Variants in HAPLN1 observed in about 807,000 individuals in gnomAD.
HAPLN1 encodes hyaluronan and proteoglycan link protein 1.
A neutral mutation model predicts 36.5 loss-of-function variants in HAPLN1; 13 were observed. The observed-to-expected ratio is 0.36, with a 90% CI of 0.23 to 0.57. The LOEUF (loss-of-function observed/expected upper bound fraction) is 0.57, where lower values mean the gene tolerates loss of function less well. Among genes scored for constraint, HAPLN1 ranks in the 20% least tolerant of loss-of-function variants. HAPLN1 has a pLI of 0.83. For synonymous variants in HAPLN1, 202 were observed against 169.8 expected (o/e 1.19, Z -1.48); for missense variants, 407 against 439.7 (o/e 0.93, Z 0.66).
chr5:83,697,562 G>A (rs377687904), intron 1 of HAPLN1, among the ~76,000 whole-genome samples: 20 of 152,176 alleles, frequency 1.3e-4, no homozygotes, highest in African/African-American at 4.3e-4. Flanking sequence ...TCTACCAAGC[G>A]ATGGAATATG....
At chr5:83,690,400 T>C (rs1226759019) in intron 1 of HAPLN1, among the ~76,000 whole-genome samples, 5 of 152,048 alleles carry the variant, frequency 3.3e-5, no homozygotes, top group Admixed American at 6.6e-5. Flanking sequence ...TTGTTGAAAG[T>C]GTAAGATGTT....
chr5:83,665,270 T>G (rs1750521133), intron 2 of HAPLN1, among the ~76,000 whole-genome samples: 1 of 152,218 alleles, frequency 6.6e-6, no homozygotes, highest in Non-Finnish European at 1.5e-5. Context: ...GAAATCATTC[T>G]GAACAAATAT....
intron 3 of HAPLN1, among the ~76,000 whole-genome samples, chr5:83,650,675 C>T (rs368445808): frequency 6.7e-6 from 1 of 148,402 alleles, no homozygotes; most frequent in Admixed American, 6.7e-5. Context: ...TGCTCTGTCG[C>T]CCAGGCTGGA....
chr5:83,715,037 G>C (rs1018399213), intron 1 of HAPLN1, among the ~76,000 whole-genome samples: 3 of 152,214 alleles, frequency 2.0e-5, no homozygotes, highest in African/African-American at 7.2e-5. Context: ...CACATTTCTG[G>C]AAGGAAACAG....
At chr5:83,676,736 G>A (rs1258700255) in intron 1 of HAPLN1, among the ~76,000 whole-genome samples, 1 of 152,160 alleles carries the variant, frequency 6.6e-6, no homozygotes, top group Non-Finnish European at 1.5e-5. Flanking sequence ...GACAATCGGG[G>A]AGACTTTTCC....
rs923155446 is a variant in HAPLN1, at chr5:83,640,952, G to T, written c.*544C>A. The T allele has an allele frequency of 6.7e-6, 1 of 149,858 alleles. No homozygotes were observed. Among genetic ancestry groups the T allele is most frequent in the African/African-American group, 2.5e-5 (1 of 40,648 alleles). The allele number at this position is 149,858 out of a possible 1,614,324, so 9.3% of individuals were successfully genotyped here. ...GGTCAGAAAGGCAGGATTTTAAAGA[G>T]TAAAATATTCTGCCTATTAGAGACT... On this transcript the variant is annotated 3_prime_UTR_variant, in exon 5 of 5. Coordinates refer to ENST00000274341, the MANE Select transcript of HAPLN1 (RefSeq NM_001884.4).
chr5:83,657,163 T>G (rs1750242933), intron 2 of HAPLN1, among the ~76,000 whole-genome samples: 1 of 152,064 alleles, frequency 6.6e-6, no homozygotes, highest in South Asian at 2.1e-4. Flanking sequence ...TGGCACCAAC[T>G]TGGCTCACTG....
chr5:83,710,730 G>A (rs1485835160), intron 1 of HAPLN1, among the ~76,000 whole-genome samples: 1 of 152,068 alleles, frequency 6.6e-6, no homozygotes, highest in Non-Finnish European at 1.5e-5. Flanking sequence ...GCGGGTGGAT[G>A]ACCCAAGGTC....
chr5:83,711,161 A>G (rs1350529476), intron 1 of HAPLN1, among the ~76,000 whole-genome samples: 5 of 152,208 alleles, frequency 3.3e-5, no homozygotes, highest in Admixed American at 3.3e-4. Context: ...CATTGGGGGT[A>G]CAGACCAGAG....
chr5:83,655,657 A>C (rs1180936074), intron 2 of HAPLN1, among the ~76,000 whole-genome samples: 3 of 151,976 alleles, frequency 2.0e-5, no homozygotes, highest in Non-Finnish European at 4.4e-5. Flanking sequence ...AACCTCCAAC[A>C]TGGCCTTGAG....
intron 2 of HAPLN1, among the ~76,000 whole-genome samples, chr5:83,657,869 A>G (rs1423919111): frequency 2.0e-5 from 3 of 152,032 alleles, no homozygotes; most frequent in Non-Finnish European, 4.4e-5. Flanking sequence ...ATTAAAAATA[A>G]TCTCTCCAAG....
intron 1 of HAPLN1, among the ~76,000 whole-genome samples, chr5:83,677,349 C>T (rs562282039): frequency 1.3e-5 from 2 of 152,290 alleles, no homozygotes; most frequent in South Asian, 4.1e-4. Context: ...TGTCGTGGGT[C>T]CCCTGACGAG....
chr5:83,695,664 C>T (rs4632780), intron 1 of HAPLN1, among the ~76,000 whole-genome samples: 1 of 145,466 alleles, frequency 6.9e-6, no homozygotes, highest in African/African-American at 2.5e-5. Context: ...AAATATATAT[C>T]TATATGTATT....
chr5:83,647,836 C>T (rs769757688), intron 3 of HAPLN1, among the ~76,000 whole-genome samples: 4 of 152,076 alleles, frequency 2.6e-5, no homozygotes, highest in Non-Finnish European at 5.9e-5. Flanking sequence ...AAAAAGGCAG[C>T]GACCATGTAG....
chr5:83,641,608 A>T lies in HAPLN1; in HGVS notation c.953T>A (p.Ile318Asn). ...ACTGCAGCGCCTTCTTGGCCTAGAGATGGGGTAGCGGACGCTGCCATCCGC... is the reference window on the plus strand; with the variant it reads ...ACTGCAGCGCCTTCTTGGCCTAGAGTTGGGGTAGCGGACGCTGCCATCCGC... ...WLADGSVRYP[I>N]SRPRRRCSPT... is the part of the protein sequence containing the mutation. The change falls in exon 5 of 5, where the codon ATC becomes AAC. Residue 318 changes from isoleucine (I) to asparagine (N), a missense_variant. Ile to Asn is a moderately radical substitution (Grantham distance 149, BLOSUM62 -3). Transcript: ENST00000274341. The T allele has an allele frequency of 6.2e-7, 1 of 1,614,200 alleles. No homozygotes were observed. Among genetic ancestry groups the T allele is most frequent in the African/African-American group, 1.3e-5 (1 of 75,060 alleles).
At chr5:83,691,898 G>A (rs1029007427) in intron 1 of HAPLN1, among the ~76,000 whole-genome samples, 2 of 151,606 alleles carry the variant, frequency 1.3e-5, no homozygotes, top group East Asian at 1.9e-4. Flanking sequence ...GAAGCTAGAA[G>A]AATTATTGAA....
chr5:83,649,308 G>A (rs964488258), intron 3 of HAPLN1, among the ~76,000 whole-genome samples: 5 of 151,840 alleles, frequency 3.3e-5, no homozygotes, highest in Non-Finnish European at 5.9e-5. Flanking sequence ...GAATGCTGTC[G>A]GTGGTATCTG....
At chr5:83,695,173 T>C (rs911823985) in intron 1 of HAPLN1, among the ~76,000 whole-genome samples, 3 of 152,318 alleles carry the variant, frequency 2.0e-5, no homozygotes, top group South Asian at 2.1e-4. Context: ...TCACCCAGGC[T>C]GGGGTGCAGT....
intron 1 of HAPLN1, among the ~76,000 whole-genome samples, chr5:83,714,157 T>A (rs191853499): frequency 8.5e-5 from 13 of 152,230 alleles, no homozygotes; most frequent in African/African-American, 3.1e-4. Flanking sequence ...TGTCAGGCAT[T>A]CGTATCTCCA....
Sources: gnomAD v4.1 joint callset for allele counts (sites outside exome capture counted in the v4.1 genomes callset) on GRCh38, gnomAD v4.1.1 for gene constraint, MANE v1.5 for transcripts, NCBI Gene and HGNC (gene_info 2026-07-23, HGNC 2026-07-21) for gene names.